Variants in CNST observed in about 807,000 individuals in gnomAD.
CNST encodes consortin.
A neutral mutation model predicts 72.4 loss-of-function variants in CNST; 39 were observed. That is an observed-to-expected ratio of 0.54 (90% CI 0.42 to 0.70). The LOEUF is 0.70. CNST is among the 30% of genes least tolerant of loss of function. The pLI, the probability that CNST is intolerant of heterozygous loss-of-function variation, is 0.00. For synonymous variants in CNST, 332 were observed against 320.1 expected (o/e 1.04, Z -0.40); for missense variants, 871 against 868.5 (o/e 1.00, Z -0.04).
chr1:246,628,585 T>C (rs1664590533), intron 3 of CNST, among the ~76,000 whole-genome samples: 1 of 152,210 alleles, frequency 6.6e-6, no homozygotes, highest in African/African-American at 2.4e-5. Flanking sequence ...TGACTACAGA[T>C]TAGCTTTAAA....
At chr1:246,642,107 A>C in intron 8 of CNST, 70 bp downstream of exon 8, 1 of 728,836 alleles carries the variant, frequency 1.4e-6, no homozygotes, top group Non-Finnish European at 2.2e-6. Flanking sequence ...TACAAGTGAT[A>C]CATCTGAATT....
chr1:246,649,392 A>T (rs1202314466), intron 9 of CNST, among the ~76,000 whole-genome samples: 1 of 152,192 alleles, frequency 6.6e-6, no homozygotes, highest in African/African-American at 2.4e-5. Flanking sequence ...AAAAAATTAG[A>T]GCTAATGGTA....
intron 1 of CNST, among the ~76,000 whole-genome samples, chr1:246,587,033 C>G (rs1661242125): frequency 6.6e-6 from 1 of 152,006 alleles, no homozygotes; most frequent in Admixed American, 6.6e-5. Context: ...CTGTTTACTT[C>G]TATAAAAAAT....
intron 9 of CNST, among the ~76,000 whole-genome samples, chr1:246,648,508 G>A (rs898746361): frequency 1.3e-5 from 2 of 151,650 alleles, no homozygotes; most frequent in African/African-American, 4.9e-5. Context: ...AATATAAGAG[G>A]TACTAGATTA....
At position 246,664,583 on chromosome 1, in the gene CNST, C is replaced by CCAT. The variant is rs538664791; in HGVS notation, c.1973-1117_1973-1116insCAT. ...CTGAGACTATAGGCACCTGCCACCA[C>CCAT]GCCCAGCTGATTTTTTATATTTTTA... On this transcript the variant is annotated intron_variant, in intron 10 of 10. Coordinates refer to ENST00000366513, the MANE Select transcript of CNST (RefSeq NM_152609.3). Among the ~76,000 whole-genome samples the CCAT allele has an allele frequency of 4.1e-4, 62 of 152,248 alleles. 4 individuals are homozygous for CCAT. Among genetic ancestry groups the CCAT allele is most frequent in the African/African-American group, 1.4e-3 (59 of 41,548 alleles).
intron 1 of CNST, among the ~76,000 whole-genome samples, chr1:246,574,321 G>A (rs1442357267): frequency 2.0e-5 from 3 of 152,292 alleles, no homozygotes; most frequent in Non-Finnish European, 2.9e-5. Flanking sequence ...GATTACAGGC[G>A]TGAGCCACCG....
rs1309779920 is a variant in CNST, at chr1:246,665,664, G to A, written c.1973-36G>A. 3 of 1,552,384 alleles carry A rather than the reference G, an allele frequency of 1.9e-6. No homozygotes were observed. In the African/African-American group the frequency reaches 4.1e-5, roughly 21 times the overall value. ...AGCAGATGCTAAGATTTCCATTTCG[G>A]TGACAATGTAACCTCACTCTTTCTC... is the stretch of plus-strand genomic sequence containing the variant. On this transcript the variant is annotated intron_variant, in intron 10 of 10. Coordinates refer to ENST00000366513, the MANE Select transcript of CNST (RefSeq NM_152609.3).
intron 1 of CNST, among the ~76,000 whole-genome samples, chr1:246,586,405 C>T (rs1661203052): frequency 1.4e-5 from 2 of 147,170 alleles, no homozygotes; most frequent in South Asian, 2.1e-4. Flanking sequence ...AAATATATAA[C>T]ATATCTTTTA....
At chr1:246,634,994 C>T (rs1478766700) in intron 6 of CNST, among the ~76,000 whole-genome samples, 2 of 32,286 alleles carry the variant, frequency 6.2e-5, no homozygotes, top group Non-Finnish European at 1.3e-4. Flanking sequence ...CCGGCCGGCC[C>T]TCTTCCTGCT....
intron 1 of CNST, among the ~76,000 whole-genome samples, chr1:246,576,302 G>T (rs1660426998): frequency 7.3e-6 from 1 of 137,410 alleles, no homozygotes; most frequent in African/African-American, 2.7e-5. Flanking sequence ...GGATCCTCAC[G>T]TGCCTATGAT....
chr1:246,571,186 GC>G (rs1558522312), intron 1 of CNST, among the ~76,000 whole-genome samples: 2 of 152,124 alleles, frequency 1.3e-5, no homozygotes, highest in African/African-American at 2.4e-5. Flanking sequence ...TTGCTCTGTC[GC>G]CCAGGGTGGA....
chr1:246,664,627 C>T (rs542440258), intron 10 of CNST, among the ~76,000 whole-genome samples: 70 of 152,006 alleles, frequency 4.6e-4, no homozygotes, highest in South Asian at 3.7e-3. Flanking sequence ...GGGGTTTCAC[C>T]GTGTCAGCCA....
intron 1 of CNST, among the ~76,000 whole-genome samples, chr1:246,591,110 G>A (rs1661521361): frequency 6.6e-6 from 1 of 151,948 alleles, no homozygotes; most frequent in South Asian, 2.1e-4. Flanking sequence ...GAGTGTCCAG[G>A]GATTAACATA....
intron 2 of CNST, among the ~76,000 whole-genome samples, chr1:246,613,088 T>G (rs939724592): frequency 6.6e-6 from 1 of 152,212 alleles, no homozygotes; most frequent in African/African-American, 2.4e-5. Context: ...CTCCAATTTA[T>G]AGATGTGGGA....
intron 8 of CNST, among the ~76,000 whole-genome samples, chr1:246,642,830 T>C (rs1490118121): frequency 5.1e-3 from 1 of 196 alleles, no homozygotes; most frequent in East Asian, 0.083. Flanking sequence ...GTGATGATGG[T>C]GGTGATGGAT....
In CNST at chr1:246,634,951, T is replaced by TGGTGGGTGTCTTCTGGCCGG. The variant is rs201316654; in HGVS notation, c.818+368_818+369insGGTGTCTTCTGGCCGGGGTG. 2.8e-3 allele frequency among the ~76,000 whole-genome samples: 225 copies of TGGTGGGTGTCTTCTGGCCGG among 80,692 alleles called. 1 individual carries two copies. Among genetic ancestry groups the TGGTGGGTGTCTTCTGGCCGG allele is most frequent in the Non-Finnish European group, 4.5e-3 (162 of 35,856 alleles). 52.9% of individuals were successfully genotyped at this position (80,692 alleles called of 152,430 possible). On this transcript the variant is annotated intron_variant, in intron 6 of 10. Transcript: ENST00000366513. Reference sequence around the variant, plus strand: ...GGATGGCCTCTCTGTCTATCCTCGGTGGTGCGTGTCTTCCGGCCGGGGTGC... The same window carrying TGGTGGGTGTCTTCTGGCCGG: ...GGATGGCCTCTCTGTCTATCCTCGGTGGTGGGTGTCTTCTGGCCGGGGTGCGTGTCTTCCGGCCGGGGTGC...
At chr1:246,583,668 A>C (rs1373495192) in intron 1 of CNST, among the ~76,000 whole-genome samples, 1 of 152,256 alleles carries the variant, frequency 6.6e-6, no homozygotes. Context: ...GTCAGAGTTC[A>C]GTCTCATGTG....
intron 1 of CNST, among the ~76,000 whole-genome samples, chr1:246,578,011 A>AGAT (rs1451114113): frequency 3.3e-5 from 5 of 151,994 alleles, no homozygotes; most frequent in Non-Finnish European, 4.4e-5. Context: ...TCATCTTTAG[A>AGAT]GATATAACCA....
At chr1:246,570,779 C>G (rs1226384907) in intron 1 of CNST, among the ~76,000 whole-genome samples, 1 of 152,196 alleles carries the variant, frequency 6.6e-6, no homozygotes, top group African/African-American at 2.4e-5. Flanking sequence ...TTGGTTTCTA[C>G]AAGTGAGTCT....
Sources: allele counts gnomAD v4.1 joint callset (sites outside exome capture counted in the v4.1 genomes callset), GRCh38; gene constraint gnomAD v4.1.1; transcripts MANE v1.5; gene names NCBI Gene and HGNC (gene_info 2026-07-23, HGNC 2026-07-21).